AMBRA1: variants seen among roughly 807,000 people sequenced by gnomAD.
The protein encoded by AMBRA1 is activating molecule in BECN1-regulated autophagy protein 1.
A neutral mutation model predicts 125.4 loss-of-function variants in AMBRA1; 47 were observed. The ratio of observed to expected loss-of-function variants is 0.37; its 90% CI spans 0.30 to 0.48. The LOEUF is 0.48. Among genes scored for constraint, AMBRA1 ranks in the 20% least tolerant of loss-of-function variants. The pLI is 0.99. For synonymous variants in AMBRA1, 626 were observed against 655.5 expected, an observed-to-expected ratio of 0.95 and a Z score of 0.69; for missense variants, 1,331 against 1,693.4, an observed-to-expected ratio of 0.79 and a Z score of 3.76.
intron 16 of AMBRA1, among the ~76,000 whole-genome samples, chr11:46,409,852 T>C (rs765580297): frequency 2.3e-4 from 35 of 152,272 alleles, no homozygotes; most frequent in Non-Finnish European, 4.6e-4. Flanking sequence ...AAAGGATCAG[T>C]ACCAGATTTC....
chr11:46,460,841 C>T (rs1283532529), intron 11 of AMBRA1, among the ~76,000 whole-genome samples: 2 of 152,134 alleles, frequency 1.3e-5, no homozygotes, highest in Non-Finnish European at 2.9e-5. Context: ...AATCCCAACA[C>T]TTTGAGAGGC....
At chr11:46,417,869 T>G in intron 15 of AMBRA1, 44 bp downstream of exon 15, 7 of 1,559,962 alleles carry the variant, frequency 4.5e-6, no homozygotes, top group Non-Finnish European at 6.1e-6. Flanking sequence ...ACCCCAGTCC[T>G]CGGCCCCAGT....
chr11:46,531,332 G>A (rs1304759796), intron 7 of AMBRA1, among the ~76,000 whole-genome samples: 3 of 152,230 alleles, frequency 2.0e-5, no homozygotes, highest in Non-Finnish European at 4.4e-5. Flanking sequence ...CTGATATAGA[G>A]GGTAGGGCAG....
At chr11:46,590,330 T>C (rs1337477408) in intron 1 of AMBRA1, among the ~76,000 whole-genome samples, 1 of 151,566 alleles carries the variant, frequency 6.6e-6, no homozygotes, top group African/African-American at 2.4e-5. Flanking sequence ...AGAGCAAGAC[T>C]CCATCTCAAA....
At chr11:46,478,021 G>A (rs1235822308) in intron 11 of AMBRA1, among the ~76,000 whole-genome samples, 1 of 150,844 alleles carries the variant, frequency 6.6e-6, no homozygotes, top group Non-Finnish European at 1.5e-5. Context: ...GTTTACTGGT[G>A]AATGAAAAAA....
intron 12 of AMBRA1, among the ~76,000 whole-genome samples, chr11:46,442,709 T>C (rs1000815791): frequency 2.0e-5 from 3 of 152,136 alleles, no homozygotes; most frequent in Non-Finnish European, 4.4e-5. Context: ...ACCATTGAGA[T>C]GAATAAAGAT....
intron 14 of AMBRA1, among the ~76,000 whole-genome samples, chr11:46,422,688 C>A (rs908599138): frequency 6.6e-6 from 1 of 151,994 alleles, no homozygotes; most frequent in African/African-American, 2.4e-5. Context: ...TTTTCCCCTA[C>A]TGCATGCCAA....
chr11:46,459,737 CAT>C (rs151108587), intron 11 of AMBRA1, among the ~76,000 whole-genome samples: 15,408 of 131,916 alleles, frequency 0.12, 894 homozygotes, highest in Non-Finnish European at 0.15. Context: ...AAAAAATACA[CAT>C]ACACACACAC....
At chr11:46,528,167 TTTTA>T (rs986277604) in intron 7 of AMBRA1, among the ~76,000 whole-genome samples, 6 of 152,330 alleles carry the variant, frequency 3.9e-5, no homozygotes, top group South Asian at 4.1e-4. Flanking sequence ...CAACTTTTTC[TTTTA>T]TTTATTTATT....
intron 1 of AMBRA1, chr11:46,590,977 G>C (rs1297336620): frequency 6.6e-6 from 1 of 151,606 alleles, no homozygotes; most frequent in African/African-American, 2.4e-5. Flanking sequence ...CAAAGCATGA[G>C]ATAAGTTGAT....
At chr11:46,438,732 G>A (rs1232251998) in intron 12 of AMBRA1, among the ~76,000 whole-genome samples, 2 of 152,228 alleles carry the variant, frequency 1.3e-5, no homozygotes, top group African/African-American at 4.8e-5. Flanking sequence ...ATTCTGACAG[G>A]ACAGCCTAGT....
chr11:46,400,166 C>T (rs1945669936), intron 17 of AMBRA1, among the ~76,000 whole-genome samples: 1 of 152,156 alleles, frequency 6.6e-6, no homozygotes, highest in Middle Eastern at 3.2e-3. Flanking sequence ...ATGATCAAGG[C>T]TCTGAGGCTG....
At chr11:46,580,804 G>C (rs1397920751) in intron 1 of AMBRA1, among the ~76,000 whole-genome samples, 1 of 151,992 alleles carries the variant, frequency 6.6e-6, no homozygotes, top group East Asian at 1.9e-4. Flanking sequence ...TGTTATTGTT[G>C]TTTTGGAGAC....
chr11:46,428,813 C>G, intron 14 of AMBRA1: 2 of 1,611,314 alleles, frequency 1.2e-6, no homozygotes, highest in South Asian at 2.2e-5. Flanking sequence ...TCTCGCAGGT[C>G]GCTCACCCTC....
At chr11:46,461,374 C>T (rs1949081848) in intron 11 of AMBRA1, among the ~76,000 whole-genome samples, 2 of 152,116 alleles carry the variant, frequency 1.3e-5, no homozygotes, top group African/African-American at 4.8e-5. Flanking sequence ...CATATATATG[C>T]CTGTATAGAT....
chr11:46,506,309 G>C (rs1157869427), intron 9 of AMBRA1, among the ~76,000 whole-genome samples: 1 of 152,164 alleles, frequency 6.6e-6, no homozygotes, highest in Non-Finnish European at 1.5e-5. Flanking sequence ...GCTACTTCAG[G>C]CCATCCCTGC....
At chr11:46,499,163 T>G (rs554159932) in intron 9 of AMBRA1, among the ~76,000 whole-genome samples, 8 of 152,276 alleles carry the variant, frequency 5.3e-5, no homozygotes, top group Non-Finnish European at 7.4e-5. Context: ...ATTTACAAAT[T>G]CCTCTCCTCC....
At chr11:46,544,853 A>G (rs1414561819) in intron 5 of AMBRA1, among the ~76,000 whole-genome samples, 1 of 152,158 alleles carries the variant, frequency 6.6e-6, no homozygotes, top group Non-Finnish European at 1.5e-5. Context: ...GCAGTGGCTC[A>G]TACCTATAAT....
At chr11:46,579,045 TAA>T (rs11393945) in intron 1 of AMBRA1, among the ~76,000 whole-genome samples, 7 of 68,024 alleles carry the variant, frequency 1.0e-4, no homozygotes, top group South Asian at 9.7e-4. Context: ...AAGAAAGCAA[TAA>T]AAAAAAAAAA....
Sources: gnomAD v4.1 joint callset for allele counts (sites outside exome capture counted in the v4.1 genomes callset) on GRCh38, gnomAD v4.1.1 for gene constraint, MANE v1.5 for transcripts, NCBI Gene and HGNC (gene_info 2026-07-23, HGNC 2026-07-21) for gene names.